The following COL18A1 variants were observed in gnomAD, a reference collection of about 807,000 sequenced individuals.
COL18A1 encodes the protein collagen type XVIII alpha 1 chain.
COL18A1 carries 133 observed loss-of-function variants against 168.0 expected under a neutral mutation model. The ratio of observed to expected loss-of-function variants is 0.79; its 90% confidence interval spans 0.69 to 0.91. The LOEUF is 0.91. Among genes scored for constraint, COL18A1 ranks in the 40% least tolerant of loss-of-function variants. COL18A1 has a pLI of 0.00. For synonymous variants in COL18A1, 949 were observed against 809.0 expected (o/e 1.17, Z -2.94); for missense variants, 2,126 against 1,925.4 (o/e 1.10, Z -1.95).
intron 2 of COL18A1, among the ~76,000 whole-genome samples, chr21:45,465,673 G>A (rs1290517551): frequency 1.3e-5 from 2 of 152,184 alleles, no homozygotes; most frequent in Non-Finnish European, 2.9e-5. Flanking sequence ...GAGGGCGGGG[G>A]GCTGGCCAGG....
At chr21:45,503,614 C>T (rs1176901756) in intron 32 of COL18A1, among the ~76,000 whole-genome samples, 52 of 125,758 alleles carry the variant, frequency 4.1e-4, no homozygotes, top group South Asian at 2.0e-3. Flanking sequence ...GGAAGGGGAA[C>T]ATCACACTCT....
At chr21:45,417,866 G>C (rs908846464) in intron 2 of COL18A1, among the ~76,000 whole-genome samples, 2 of 152,232 alleles carry the variant, frequency 1.3e-5, no homozygotes, top group Non-Finnish European at 2.9e-5. Context: ...AGGGAAGAGA[G>C]AAAAGGGGGT....
At chr21:45,454,535 G>A (rs1293082352) in intron 2 of COL18A1, among the ~76,000 whole-genome samples, 1 of 152,218 alleles carries the variant, frequency 6.6e-6, no homozygotes, top group Non-Finnish European at 1.5e-5. Context: ...GTGTGAGTGA[G>A]CACGCCTGTG....
chr21:45,456,812 C>A, intron 2 of COL18A1: 1 of 1,535,114 alleles, frequency 6.5e-7, no homozygotes, highest in South Asian at 1.2e-5. Flanking sequence ...CGGGGGCCGG[C>A]TGCCCGTCGC....
Position 45,498,268 on chromosome 21 carries a change from C to G in COL18A1, c.2683+607C>G, listed in dbSNP as rs1292496115. 7 of 706,546 alleles carry G rather than the reference C, an allele frequency of 9.9e-6. No individual in the cohort carries two copies. Among genetic ancestry groups the G allele is most frequent in the Non-Finnish European group, 1.8e-5 (7 of 384,714 alleles). 43.8% of individuals were successfully genotyped at this position (706,546 alleles called of 1,614,324 possible). A position where few individuals can be genotyped will look rare whatever the true frequency, so the allele number is the denominator to read the frequency against. ...CAGAGCAGAAGCCCAGAGAGCCAGG[C>G]TAGCCTCGGGCGCCTTTCACCACCA... On this transcript the variant is annotated intron_variant, in intron 32 of 41. Transcript: ENST00000651438. This position sits in a 1 kb window ranked among gnomAD's most constrained non-coding sequence, Gnocchi z 4.5.
At position 45,509,608 on chromosome 21, in the gene COL18A1, GC is replaced by G. The variant is rs3835286; in HGVS notation, c.3495+14del. On this transcript the variant is annotated splice_region_variant and intron_variant, in intron 39 of 41. Coordinates refer to ENST00000651438, the MANE Select transcript of COL18A1 (RefSeq NM_001379500.1). ...CCGCGACTTCCAGCCGGTGGTGAGTGCCCCCCCAAAGTGGGCTTGGCTCCAT... is the reference window on the plus strand; with the variant it reads ...CCGCGACTTCCAGCCGGTGGTGAGTGCCCCCCAAAGTGGGCTTGGCTCCAT... 0.44 allele frequency: 620,708 copies of G among 1,410,840 alleles called. 142,226 individuals are homozygous for G. The highest frequency in any genetic ancestry group is 0.62 in the African/African-American group (43,590 of 70,520). The allele number at this position is 1,410,840 out of a possible 1,614,324, so 87.4% of individuals were successfully genotyped here.
rs765311365 is a variant in COL18A1 at position 45,512,284 on chromosome 21, G to C, written c.3906G>C (p.Thr1302=). Residue 1302 remains threonine, a synonymous_variant, in exon 42 of 42, where the codon ACG becomes ACC. Coordinates refer to ENST00000651438, the MANE Select transcript of COL18A1 (RefSeq NM_001379500.1). ...GGCGGACGGAGGCTCCCTCGGCCACGGGCCAGGCCTCCTCGCTGCTGGGGG... is the reference window on the plus strand; with the variant it reads ...GGCGGACGGAGGCTCCCTCGGCCACCGGCCAGGCCTCCTCGCTGCTGGGGG... ...ETWRTEAPSA[T]GQASSLLGGR... is the part of the protein sequence containing the mutation. The C allele has an allele frequency of 2.5e-6, 4 of 1,611,876 alleles. No individual in the cohort carries two copies. Among genetic ancestry groups the C allele is most frequent in the South Asian group, 1.1e-5 (1 of 91,008 alleles).
At chr21:45,511,735 C>T (rs1172299104) in intron 41 of COL18A1, among the ~76,000 whole-genome samples, 1 of 152,218 alleles carries the variant, frequency 6.6e-6, no homozygotes, top group East Asian at 1.9e-4. Flanking sequence ...TGCCACACAG[C>T]GTGTCCCCAG....
At chr21:45,419,926 C>T (rs1426112152) in intron 2 of COL18A1, 1 of 152,224 alleles carries the variant, frequency 6.6e-6, no homozygotes, top group Non-Finnish European at 1.5e-5. Flanking sequence ...CGTGTCCCCG[C>T]TCTGTGGCCC....
intron 13 of COL18A1, 116 bp downstream of exon 13, chr21:45,480,974 C>G: frequency 1.4e-6 from 2 of 1,416,248 alleles, no homozygotes; most frequent in East Asian, 5.0e-5. Flanking sequence ...CGCCTCCTCA[C>G]CTCATCTCCT....
At chr21:45,464,419 A>C (rs112568541) in intron 2 of COL18A1, among the ~76,000 whole-genome samples, 4,452 of 152,286 alleles carry the variant, frequency 0.029, 232 homozygotes, top group African/African-American at 0.1. Context: ...GAGTCCCACT[A>C]ACCACGGCCA....
chr21:45,437,970 A>T (rs1204536792), intron 2 of COL18A1, among the ~76,000 whole-genome samples: 1 of 75,378 alleles, frequency 1.3e-5, no homozygotes, highest in African/African-American at 8.2e-5. Flanking sequence ...TCCTGCACAC[A>T]CACACTCACA....
intron 18 of COL18A1, 99 bp from the exon 19 acceptor site, chr21:45,489,387 C>A (rs2036221048): frequency 1.1e-6 from 1 of 880,106 alleles, no homozygotes; most frequent in Non-Finnish European, 1.9e-6. Context: ...CGGTGAGATG[C>A]ATCCTGGGTA....
chr21:45,488,356 C>T, intron 17 of COL18A1, 62 bp from the exon 18 acceptor site: 1 of 1,611,388 alleles, frequency 6.2e-7, no homozygotes, highest in Non-Finnish European at 8.5e-7. Flanking sequence ...TTTCTTGCGG[C>T]AGACGCATCT....
intron 2 of COL18A1, among the ~76,000 whole-genome samples, chr21:45,409,041 T>TGG (rs33960414): frequency 6.6e-6 from 1 of 151,818 alleles, no homozygotes; most frequent in African/African-American, 2.4e-5. Context: ...AAGCTGGCTG[T>TGG]GGCTGTGTCT....
intron 2 of COL18A1, among the ~76,000 whole-genome samples, chr21:45,413,322 G>C (rs1051196547): frequency 6.6e-6 from 1 of 152,246 alleles, no homozygotes; most frequent in African/African-American, 2.4e-5. Context: ...CTCCAGCCGC[G>C]CTACGTGTCC....
chr21:45,466,100 C>A (rs1312673027), intron 2 of COL18A1, among the ~76,000 whole-genome samples: 1 of 152,162 alleles, frequency 6.6e-6, no homozygotes, highest in Non-Finnish European at 1.5e-5. Context: ...GAAAGTCCGG[C>A]TTCTGGGAGA....
At position 45,486,830 on chromosome 21, in the gene COL18A1, G is replaced by T; in HGVS notation, c.1702-31G>T. 2.0e-6 allele frequency: 3 copies of T among 1,527,702 alleles called. No homozygotes were observed. The South Asian group carries it at 3.6e-5, about 18-fold the overall frequency. The allele number at this position is 1,527,702 out of a possible 1,614,324, so 94.6% of individuals were successfully genotyped here. A position where few individuals can be genotyped will look rare whatever the true frequency, so the allele number is the denominator to read the frequency against. ...TGCAGGGCCAGCGGGGGCTGGGCTG[G>T]GTCCTGACACGCTCTCCTCACCCCA... On this transcript the variant is annotated intron_variant, in intron 15 of 41. Transcript: ENST00000651438.
At chr21:45,436,019 C>A (rs540272116) in intron 2 of COL18A1, among the ~76,000 whole-genome samples, 1 of 152,324 alleles carries the variant, frequency 6.6e-6, no homozygotes, top group African/African-American at 2.4e-5. Context: ...CCACTGCAGT[C>A]GGCAAGGGGG....
Sources: allele counts gnomAD v4.1 joint callset (sites outside exome capture counted in the v4.1 genomes callset), GRCh38; gene constraint gnomAD v4.1.1; non-coding constraint Gnocchi (gnomAD v3.1); transcripts MANE v1.5; gene names NCBI Gene and HGNC (gene_info 2026-07-23, HGNC 2026-07-21).